The following TAF4B variants were observed in gnomAD, a reference collection of about 807,000 sequenced individuals.
The protein encoded by TAF4B is transcription initiation factor TFIID subunit 4B.
A neutral mutation model predicts 86.4 loss-of-function variants in TAF4B; 38 were observed. The observed-to-expected ratio is 0.44, with a 90% confidence interval of 0.34 to 0.58. The LOEUF is 0.58. TAF4B is among the 20% of genes least tolerant of loss of function. TAF4B has a pLI of 0.02. For missense variants in TAF4B, 988 were observed against 1,027.6 expected, an observed-to-expected ratio of 0.96 and a Z score of 0.53; for synonymous variants, 388 against 391.2, an observed-to-expected ratio of 0.99 and a Z score of 0.10.
intron 14 of TAF4B, among the ~76,000 whole-genome samples, chr18:26,358,112 T>C (rs2057302759): frequency 6.6e-6 from 1 of 152,226 alleles, no homozygotes; most frequent in South Asian, 2.1e-4. Flanking sequence ...TATGCAGTCC[T>C]GTTCCCTCTG....
intron 1 of TAF4B, among the ~76,000 whole-genome samples, chr18:26,241,565 T>A (rs990555190): frequency 1.3e-5 from 2 of 152,114 alleles, no homozygotes; most frequent in African/African-American, 4.8e-5. Context: ...TTTTGAAGGG[T>A]TTTTTGTGTC....
rs760318725 is a variant in TAF4B at position 26,389,886 on chromosome 18, G to T, written c.2463G>T (p.Leu821=). Residue 821 remains leucine (L), a synonymous_variant, in exon 15 of 15, where the codon CTG becomes CTT. Coordinates refer to ENST00000269142, the MANE Select transcript of TAF4B (RefSeq NM_005640.3). The part of the protein sequence containing the change: ...DNLLASGTSS[L]TATKQLHRPR... ...TTCTTGCTTCTGGGACATCCAGCCT[G>T]ACAGCCACCAAACAGTTGCATCGTC... The T allele has an allele frequency of 5.6e-6, 9 of 1,613,896 alleles. No individual in the cohort carries two copies. The East Asian group carries it at 2.0e-4, about 36-fold the overall frequency.
intron 1 of TAF4B, among the ~76,000 whole-genome samples, chr18:26,231,250 T>A (rs2055663995): frequency 1.3e-5 from 2 of 151,292 alleles, no homozygotes; most frequent in Non-Finnish European, 2.9e-5. Flanking sequence ...TCCATGTTGG[T>A]CAGGCTGGTC....
At chr18:26,384,601 T>C (rs1050861417) in intron 14 of TAF4B, among the ~76,000 whole-genome samples, 1 of 152,126 alleles carries the variant, frequency 6.6e-6, no homozygotes, top group African/African-American at 2.4e-5. Flanking sequence ...TAGTGAAGAC[T>C]TGAGATAATA....
intron 12 of TAF4B, among the ~76,000 whole-genome samples, chr18:26,329,895 C>G (rs2057037362): frequency 6.6e-6 from 1 of 152,178 alleles, no homozygotes; most frequent in African/African-American, 2.4e-5. Context: ...GCCTTGGCCT[C>G]TTGGGCTTAA....
chr18:26,388,208 C>G (rs1435839476), intron 14 of TAF4B, among the ~76,000 whole-genome samples: 1 of 152,138 alleles, frequency 6.6e-6, no homozygotes, highest in African/African-American at 2.4e-5. Context: ...ACAAAATTAT[C>G]TTTTGAGAGT....
chr18:26,232,872 A>G (rs1316591654), intron 1 of TAF4B, among the ~76,000 whole-genome samples: 5 of 152,188 alleles, frequency 3.3e-5, no homozygotes, highest in Non-Finnish European at 7.3e-5. Context: ...AATGAAGTAG[A>G]TAAACTGGCT....
At chr18:26,305,556 G>A (rs554561476) in intron 9 of TAF4B, among the ~76,000 whole-genome samples, 6 of 152,102 alleles carry the variant, frequency 3.9e-5, no homozygotes, top group Middle Eastern at 3.4e-3. Context: ...ACAGGCACGC[G>A]CCACCACTCC....
chr18:26,326,449 G>A (rs1049692711), intron 11 of TAF4B, among the ~76,000 whole-genome samples: 7 of 152,134 alleles, frequency 4.6e-5, no homozygotes, highest in African/African-American at 1.7e-4. Flanking sequence ...AGCATTTCAA[G>A]ATTTTAATGT....
rs539889548 is a variant in TAF4B, at chr18:26,381,266, C to T, written c.2422-8579C>T. Among the ~76,000 whole-genome samples the T allele has an allele frequency of 2.8e-4, 42 of 151,772 alleles. 1 individual carries two copies. Among genetic ancestry groups the T allele is most frequent in the South Asian group, 1.0e-3 (5 of 4,778 alleles). ...CTGGGCTCAAGGGACCTGCCTGCCT[C>T]GGCCTCCCAAAGTGCTGGGGTAACA... On this transcript the variant is annotated intron_variant, in intron 14 of 14. Coordinates refer to ENST00000269142, the MANE Select transcript of TAF4B (RefSeq NM_005640.3).
chr18:26,334,838 A>G (rs2057077740), intron 12 of TAF4B, among the ~76,000 whole-genome samples: 1 of 152,184 alleles, frequency 6.6e-6, no homozygotes, highest in African/African-American at 2.4e-5. Context: ...TTAAACCAAC[A>G]ATTACTCTTT....
At chr18:26,278,315 A>AT (rs989823994) in intron 5 of TAF4B, among the ~76,000 whole-genome samples, 5 of 151,434 alleles carry the variant, frequency 3.3e-5, no homozygotes, top group African/African-American at 1.2e-4. Flanking sequence ...TTTTATTTTT[A>AT]TTTTTTAGAG....
At chr18:26,291,607 T>C (rs1490881822) in intron 7 of TAF4B, among the ~76,000 whole-genome samples, 1 of 150,490 alleles carries the variant, frequency 6.6e-6, no homozygotes, top group Non-Finnish European at 1.5e-5. Context: ...CTCAGGAGGC[T>C]GAGGCATGAG....
chr18:26,310,859 T>TA (rs576331893), intron 9 of TAF4B, among the ~76,000 whole-genome samples: 224 of 152,206 alleles, frequency 1.5e-3, no homozygotes, highest in Middle Eastern at 0.01. Flanking sequence ...GGGTACAGTA[T>TA]ACTTTATTGA....
At chr18:26,287,432 G>A (rs1472864301) in intron 7 of TAF4B, among the ~76,000 whole-genome samples, 1 of 152,144 alleles carries the variant, frequency 6.6e-6, no homozygotes, top group Non-Finnish European at 1.5e-5. Context: ...GCTAAACTTG[G>A]TAGGTTGGGA....
chr18:26,234,785 G>C (rs1470541507), intron 1 of TAF4B, among the ~76,000 whole-genome samples: 2 of 152,186 alleles, frequency 1.3e-5, no homozygotes, highest in African/African-American at 2.4e-5. Context: ...GGCTGCACAA[G>C]TACATATTTG....
At chr18:26,386,070 TC>T (rs1401422240) in intron 14 of TAF4B, among the ~76,000 whole-genome samples, 1 of 152,206 alleles carries the variant, frequency 6.6e-6, no homozygotes, top group African/African-American at 2.4e-5. Flanking sequence ...GAGAATGCTA[TC>T]ACCTTCATAA....
intron 14 of TAF4B, among the ~76,000 whole-genome samples, chr18:26,373,427 A>T (rs753650710): frequency 3.2e-4 from 49 of 152,044 alleles, no homozygotes; most frequent in Admixed American, 7.9e-4. Flanking sequence ...GATTTCTTTT[A>T]GTTCCTGCCT....
chr18:26,275,145 A>T (rs1393662636), intron 5 of TAF4B, 92 bp downstream of exon 5: 20 of 1,295,346 alleles, frequency 1.5e-5, no homozygotes, highest in Non-Finnish European at 1.9e-5. Flanking sequence ...GGATTTATTT[A>T]ATTTATTTAT....
Sources: allele counts gnomAD v4.1 joint callset (sites outside exome capture counted in the v4.1 genomes callset), GRCh38; gene constraint gnomAD v4.1.1; transcripts MANE v1.5; gene names NCBI Gene and HGNC (gene_info 2026-07-23, HGNC 2026-07-21).